HYCC1: variants seen among roughly 807,000 people sequenced by gnomAD.
HYCC1 encodes hyccin PI4KA lipid kinase complex subunit 1.
the HYCC1 span, among the ~76,000 whole-genome samples, chr7:23,004,634 G>A: frequency 6.6e-6 from 1 of 151,158 alleles, no homozygotes; most frequent in Non-Finnish European, 1.5e-5. Flanking sequence ...TCATTATCAT[G>A]GGTAAAAAAA....
the HYCC1 span, chr7:22,946,168 AC>A: frequency 6.2e-7 from 1 of 1,608,946 alleles, no homozygotes; most frequent in South Asian, 1.1e-5. Flanking sequence ...TATTTCCTAA[AC>A]AAAGAAATGA....
the HYCC1 span, chr7:22,978,228 T>C: frequency 1.3e-5 from 20 of 1,588,032 alleles, no homozygotes; most frequent in East Asian, 1.6e-4. Flanking sequence ...ATATATTTGA[T>C]TTTGTCAAAA....
chr7:22,989,230 C>CA, the HYCC1 span, among the ~76,000 whole-genome samples: 98,100 of 150,498 alleles, frequency 0.65, 31,892 homozygotes, highest in Non-Finnish European at 0.66. Flanking sequence ...ATCAATCTGC[C>CA]AAAAAAAAGC....
At chr7:22,976,259 T>A in the HYCC1 span, 1 of 1,613,236 alleles carries the variant, frequency 6.2e-7, no homozygotes, top group African/African-American at 1.3e-5. Context: ...GGCATGTAAG[T>A]TAAGGCAGCA....
At chr7:22,928,284 G>C in the HYCC1 span, among the ~76,000 whole-genome samples, 1 of 152,180 alleles carries the variant, frequency 6.6e-6, no homozygotes, top group African/African-American at 2.4e-5. Context: ...ACAAGACAGG[G>C]ATGCCCTCTC....
the HYCC1 span, among the ~76,000 whole-genome samples, chr7:22,904,393 T>C: frequency 1.3e-5 from 2 of 148,948 alleles, no homozygotes; most frequent in African/African-American, 5.0e-5. Flanking sequence ...ATCGTGCCAC[T>C]GCACTCCAGC....
the HYCC1 span, among the ~76,000 whole-genome samples, chr7:22,901,941 G>T: frequency 6.6e-6 from 1 of 152,066 alleles, no homozygotes; most frequent in Admixed American, 6.5e-5. Context: ...ATCAGCATTT[G>T]TATAATATTA....
chr7:22,983,743 G>C, the HYCC1 span: 1 of 546,606 alleles, frequency 1.8e-6, no homozygotes, highest in Non-Finnish European at 3.3e-6. Context: ...GAGAGAAAAA[G>C]AGAGAAAATG....
chr7:22,913,565 T>G, the HYCC1 span, among the ~76,000 whole-genome samples: 1 of 152,206 alleles, frequency 6.6e-6, no homozygotes, highest in African/African-American at 2.4e-5. Flanking sequence ...CCGCCTTAAC[T>G]GATGACATTA....
chr7:22,985,477 G>A, the HYCC1 span: 2 of 151,946 alleles, frequency 1.3e-5, no homozygotes, highest in East Asian at 3.8e-4. Flanking sequence ...TTTAAAAGTG[G>A]GTCATATTTC....
At chr7:22,939,459 A>G in the HYCC1 span, 1 of 151,752 alleles carries the variant, frequency 6.6e-6, no homozygotes, top group African/African-American at 2.4e-5. Context: ...ATCTGACAGG[A>G]AAAAAAAAGA....
At chr7:22,980,111 G>C in the HYCC1 span, among the ~76,000 whole-genome samples, 1 of 152,062 alleles carries the variant, frequency 6.6e-6, no homozygotes, top group African/African-American at 2.4e-5. Flanking sequence ...CAGGTATTTT[G>C]ACTTCTTTAC....
chr7:23,000,549 CTAATA>C, the HYCC1 span, among the ~76,000 whole-genome samples: 2 of 151,968 alleles, frequency 1.3e-5, no homozygotes, highest in African/African-American at 4.8e-5. Flanking sequence ...TATTTTTCAC[CTAATA>C]TATCATGGAC....
At chr7:22,911,324 G>T in the HYCC1 span, among the ~76,000 whole-genome samples, 2 of 152,066 alleles carry the variant, frequency 1.3e-5, no homozygotes, top group African/African-American at 4.8e-5. Flanking sequence ...CTAGATTTTT[G>T]TTTTGTTTTT....
At chr7:22,938,888 T>TA in the HYCC1 span, 7 of 151,032 alleles carry the variant, frequency 4.6e-5, no homozygotes, top group Admixed American at 1.3e-4. Flanking sequence ...AATCCCCATT[T>TA]AAAAAAAAAA....
the HYCC1 span, chr7:22,937,268 C>CA: frequency 0.25 from 37,673 of 151,994 alleles, 5,435 homozygotes; most frequent in Non-Finnish European, 0.33. Context: ...ATCTAGGATA[C>CA]AAAAGTTAAA....
the HYCC1 span, among the ~76,000 whole-genome samples, chr7:22,996,356 C>G: frequency 1.3e-5 from 2 of 150,186 alleles, no homozygotes; most frequent in Non-Finnish European, 3.0e-5. Context: ...AATATCAATG[C>G]ATTATGTAGG....
the HYCC1 span, among the ~76,000 whole-genome samples, chr7:22,954,697 G>T: frequency 7.5e-6 from 1 of 133,580 alleles, no homozygotes; most frequent in African/African-American, 2.7e-5. Context: ...TAAAATTCTT[G>T]CAGTACTTAT....
chr7:22,907,104 C>CAAAAAAAAAAAAAA, the HYCC1 span, among the ~76,000 whole-genome samples: 11 of 43,548 alleles, frequency 2.5e-4, no homozygotes, highest in African/African-American at 9.8e-4. Flanking sequence ...GACTCTATCT[C>CAAAAAAAAAAAAAA]AAAAAAAAAA....
Sources: gnomAD v4.1 joint callset for allele counts (sites outside exome capture counted in the v4.1 genomes callset) on GRCh38, gnomAD v4.1.1 for gene constraint, MANE v1.5 for transcripts, NCBI Gene and HGNC (gene_info 2026-07-23, HGNC 2026-07-21) for gene names.